DOCK2: variants seen among roughly 807,000 people sequenced by gnomAD.
The protein encoded by DOCK2 is dedicator of cytokinesis 2.
In DOCK2, 87 loss-of-function variants were observed where a neutral mutation model predicts 248.9. That is an observed-to-expected ratio of 0.35 (90% confidence interval 0.29 to 0.42). The LOEUF (loss-of-function observed/expected upper bound fraction) is 0.42. DOCK2 is among the 10% of genes least tolerant of loss of function. The probability of loss-of-function intolerance (pLI) is 1.00; values close to 1 mark genes in which losing one functional copy is unlikely to be tolerated. For missense variants in DOCK2, 1,747 were observed against 2,300.2 expected (o/e 0.76, Z 4.92); for synonymous variants, 805 against 821.6 (o/e 0.98, Z 0.35).
chr5:169,965,658 T>C (rs2113754420), intron 27 of DOCK2, among the ~76,000 whole-genome samples: 1 of 152,286 alleles, frequency 6.6e-6, no homozygotes, highest in East Asian at 1.9e-4. Flanking sequence ...AACCATGGCC[T>C]CAGAGTCCAA....
At position 170,008,694 on chromosome 5, in the gene DOCK2, G is replaced by C. The variant is rs772302196; in HGVS notation, c.3180G>C (p.Gly1060=). 1 of 1,613,910 alleles carries C rather than the reference G, an allele frequency of 6.2e-7. No homozygotes were observed. Among genetic ancestry groups the C allele is most frequent in the African/African-American group, 1.3e-5 (1 of 74,898 alleles). The change falls in exon 32 of 52, where the codon GGG becomes GGC. Residue 1060 remains glycine, a synonymous_variant. Transcript: ENST00000520908. ...AGGTTTTTGTTCCTCCTAGGTATGGGGACATGAGACGGCTAATTGGCTTCT... is the reference window on the plus strand; with the variant it reads ...AGGTTTTTGTTCCTCCTAGGTATGGCGACATGAGACGGCTAATTGGCTTCT... ...AKYNKILNKY[G]DMRRLIGFSI...
intron 27 of DOCK2, among the ~76,000 whole-genome samples, chr5:169,873,034 G>A (rs1426695142): frequency 6.6e-6 from 1 of 152,162 alleles, no homozygotes; most frequent in Non-Finnish European, 1.5e-5. Flanking sequence ...ATCACCTGTG[G>A]CCTCTGTGCC....
chr5:169,855,045 C>A, intron 27 of DOCK2, among the ~76,000 whole-genome samples: 1 of 152,132 alleles, frequency 6.6e-6, no homozygotes, highest in South Asian at 2.1e-4. Context: ...GCTTGGCAGA[C>A]CCTCAAAGAA....
At chr5:169,782,865 A>G (rs756328841) in intron 25 of DOCK2, among the ~76,000 whole-genome samples, 13 of 151,354 alleles carry the variant, frequency 8.6e-5, no homozygotes, top group Admixed American at 6.6e-4. Flanking sequence ...CAAATTCCAC[A>G]TGTGATAGTT....
chr5:170,041,958 C>A, intron 37 of DOCK2, 55 bp from the exon 38 acceptor site: 1 of 1,593,660 alleles, frequency 6.3e-7, no homozygotes, highest in Non-Finnish European at 8.6e-7. Context: ...TAGGAAGACA[C>A]CTGCTCTTGG....
chr5:169,973,738 G>A (rs917226617), intron 27 of DOCK2, among the ~76,000 whole-genome samples: 2 of 152,160 alleles, frequency 1.3e-5, no homozygotes, highest in Admixed American at 6.5e-5. Flanking sequence ...AAAACAGGAG[G>A]GGTGTCCTCA....
At chr5:169,696,816 GCTCA>G (rs950318374) in intron 10 of DOCK2, among the ~76,000 whole-genome samples, 3 of 151,130 alleles carry the variant, frequency 2.0e-5, no homozygotes, top group African/African-American at 4.9e-5. Context: ...GTTTTACTGA[GCTCA>G]CTGTTTTTTT....
chr5:169,966,990 C>G (rs1777324978), intron 27 of DOCK2, among the ~76,000 whole-genome samples: 1 of 152,240 alleles, frequency 6.6e-6, no homozygotes, highest in African/African-American at 2.4e-5. Context: ...ACTGATTCTT[C>G]CATCTGAGAC....
At chr5:169,936,170 G>C (rs1775983514) in intron 27 of DOCK2, among the ~76,000 whole-genome samples, 1 of 152,164 alleles carries the variant, frequency 6.6e-6, no homozygotes, top group South Asian at 2.1e-4. Context: ...AACAATATTT[G>C]CATTTTGACT....
intron 25 of DOCK2, among the ~76,000 whole-genome samples, chr5:169,765,001 A>ATAGT (rs1425979964): frequency 2.6e-5 from 4 of 151,928 alleles, no homozygotes; most frequent in African/African-American, 9.7e-5. Flanking sequence ...AGGCTCCAAC[A>ATAGT]TAGTTACATA....
chr5:169,742,105 T>C lies in DOCK2; in HGVS notation c.2268-5291T>C, dbSNP rs552245344. On this transcript the variant is annotated intron_variant, in intron 22 of 51. Transcript: ENST00000520908. ...TGCTGGGATTACAGGTGTGAGCCACTGCGCCCAGCCCTTTTACTCATTTTT... is the reference window on the plus strand; with the variant it reads ...TGCTGGGATTACAGGTGTGAGCCACCGCGCCCAGCCCTTTTACTCATTTTT... 1.7e-3 allele frequency among the ~76,000 whole-genome samples: 259 copies of C among 152,308 alleles called. 2 individuals carry two copies. The highest frequency in any genetic ancestry group is 0.01 in the Middle Eastern group (3 of 294).
At chr5:169,662,110 C>T (rs977945453) in intron 2 of DOCK2, among the ~76,000 whole-genome samples, 2 of 152,294 alleles carry the variant, frequency 1.3e-5, no homozygotes, top group Admixed American at 6.5e-5. Context: ...TTTCCACACC[C>T]TCGCCAACAT....
At chr5:170,036,720 C>A (rs1329946245) in intron 36 of DOCK2, among the ~76,000 whole-genome samples, 165 bp downstream of exon 36, 1 of 152,258 alleles carries the variant, frequency 6.6e-6, no homozygotes, top group African/African-American at 2.4e-5. Flanking sequence ...CAATTCCTTT[C>A]ATTCTCCCAC....
Position 169,991,951 on chromosome 5 carries a change from G to A in DOCK2, c.2994-4135G>A, listed in dbSNP as rs543066869. Among the ~76,000 whole-genome samples the A allele has an allele frequency of 2.0e-5, 3 of 152,260 alleles. No homozygotes were observed. The South Asian group carries it at 6.2e-4, about 32-fold the overall frequency. ...TAATGTTTGTAGAACTGTTAGCACA[G>A]GCCATATGAATTATGGCAATTGATG... On this transcript the variant is annotated intron_variant, in intron 29 of 51. Coordinates refer to ENST00000520908, the MANE Select transcript of DOCK2 (RefSeq NM_004946.3).
In DOCK2 at chr5:169,706,752, G is replaced by A. The variant is rs151300287; in HGVS notation, c.1384-1417G>A. 7.4e-4 allele frequency among the ~76,000 whole-genome samples: 112 copies of A among 152,306 alleles called. No homozygotes were observed. In the East Asian group the frequency reaches 0.017, roughly 23 times the overall value. ...TTCTGAAAGGACTGCTGTGTATTCT[G>A]TTTTCAAATGGATCGATTTGGCTGC... On this transcript the variant is annotated intron_variant, in intron 14 of 51. Transcript: ENST00000520908.
At chr5:170,026,321 C>T (rs1246365780) in intron 33 of DOCK2, among the ~76,000 whole-genome samples, 1 of 152,198 alleles carries the variant, frequency 6.6e-6, no homozygotes, top group Non-Finnish European at 1.5e-5. Context: ...ACTCCCTGAG[C>T]CTCTACTTCT....
At chr5:170,043,591 A>C (rs1187491950) in intron 38 of DOCK2, among the ~76,000 whole-genome samples, 3 of 152,172 alleles carry the variant, frequency 2.0e-5, no homozygotes, top group Non-Finnish European at 4.4e-5. Context: ...GAAAGATAAA[A>C]TGAGGTAATG....
Position 169,982,068 on chromosome 5 carries a change from C to CTTT in DOCK2, c.2800-986_2800-984dup, listed in dbSNP as rs59193932. Among the ~76,000 whole-genome samples the CTTT allele has an allele frequency of 6.9e-3, 875 of 126,322 alleles. 12 individuals carry two copies. The highest frequency in any genetic ancestry group is 0.031 in the Middle Eastern group (7 of 228). 82.9% of individuals were successfully genotyped at this position (126,322 alleles called of 152,430 possible). On this transcript the variant is annotated intron_variant, in intron 27 of 51. Coordinates refer to ENST00000520908, the MANE Select transcript of DOCK2 (RefSeq NM_004946.3). ...AAGGCAGCAGTTTATGGTAAAAATG[C>CTTT]TTTTTTTTTTTTTTTTGGTTCAAAC...
At chr5:169,806,553 A>G (rs261614) in intron 26 of DOCK2, among the ~76,000 whole-genome samples, 47,471 of 151,980 alleles carry the variant, frequency 0.31, 9,553 homozygotes, top group African/African-American at 0.58. Context: ...GTCAAGCTGT[A>G]TGTTAAATCC....
Sources: allele counts gnomAD v4.1 joint callset (sites outside exome capture counted in the v4.1 genomes callset), GRCh38; gene constraint gnomAD v4.1.1; transcripts MANE v1.5; gene names NCBI Gene and HGNC (gene_info 2026-07-23, HGNC 2026-07-21).